APLP2: variants seen among roughly 807,000 people sequenced by gnomAD.
The protein encoded by APLP2 is CDEI box-binding protein.
A neutral mutation model predicts 89.9 loss-of-function variants in APLP2; 53 were observed. The ratio of observed to expected loss-of-function variants is 0.59; its 90% CI spans 0.47 to 0.74. The LOEUF (loss-of-function observed/expected upper bound fraction) is 0.74. Ranked by LOEUF, APLP2 falls within the 30% of genes least tolerant of loss-of-function variation. The probability of loss-of-function intolerance (pLI) is 0.00; values close to 1 mark genes in which losing one functional copy is unlikely to be tolerated. For missense variants in APLP2, 973 were observed against 975.9 expected (o/e 1.00, Z 0.04); for synonymous variants, 372 against 348.6 (o/e 1.07, Z -0.75).
intron 16 of APLP2, among the ~76,000 whole-genome samples, chr11:130,142,869 T>A (rs1269113276): frequency 6.6e-6 from 1 of 152,224 alleles, no homozygotes; most frequent in Non-Finnish European, 1.5e-5. Context: ...CGCCTCAGCC[T>A]CCCAAAGTGC....
chr11:130,114,457 A>C (rs1267193215), intron 3 of APLP2: 1 of 152,190 alleles, frequency 6.6e-6, no homozygotes, highest in East Asian at 1.9e-4. Context: ...GTGCGATACC[A>C]GTTTGTTTCA....
intron 1 of APLP2, among the ~76,000 whole-genome samples, chr11:130,078,418 C>T (rs562521099): frequency 7.3e-6 from 1 of 136,950 alleles, no homozygotes; most frequent in Admixed American, 6.8e-5. Context: ...TTTGCCTTTT[C>T]ACTCTTAGTG....
chr11:130,136,752 C>T (rs1023784989), intron 13 of APLP2, among the ~76,000 whole-genome samples: 1 of 152,166 alleles, frequency 6.6e-6, no homozygotes, highest in African/African-American at 2.4e-5. Context: ...CCATGCCACC[C>T]GCAAATCTCC....
intron 9 of APLP2, among the ~76,000 whole-genome samples, chr11:130,128,636 A>G (rs1350823318): frequency 6.6e-6 from 1 of 152,232 alleles, no homozygotes; most frequent in Non-Finnish European, 1.5e-5. Flanking sequence ...ACCTAATGAC[A>G]GGAATACTTC....
chr11:130,090,013 C>G (rs1271047980), intron 1 of APLP2, among the ~76,000 whole-genome samples: 1 of 152,180 alleles, frequency 6.6e-6, no homozygotes, highest in East Asian at 1.9e-4. Flanking sequence ...CCCTATTCAA[C>G]CTATAAGACC....
intron 13 of APLP2, among the ~76,000 whole-genome samples, chr11:130,139,871 G>C (rs1221146418): frequency 6.6e-6 from 1 of 152,186 alleles, no homozygotes; most frequent in Non-Finnish European, 1.5e-5. Context: ...ATTACTGTTG[G>C]AACCTCCCCA....
chr11:130,140,024 G>A (rs1952152419), intron 13 of APLP2, among the ~76,000 whole-genome samples: 1 of 152,206 alleles, frequency 6.6e-6, no homozygotes, highest in South Asian at 2.1e-4. Flanking sequence ...GCAGCCGGGT[G>A]TGGGTAGTAG....
intron 1 of APLP2, among the ~76,000 whole-genome samples, chr11:130,084,316 G>C (rs1483427323): frequency 6.6e-6 from 1 of 151,994 alleles, no homozygotes; most frequent in African/African-American, 2.4e-5. Flanking sequence ...TTCTGTTAAT[G>C]TGATATGCCA....
rs1950044139 is a variant in APLP2 at position 130,123,442 on chromosome 11, T to C, written c.923-170T>C. Among the ~76,000 whole-genome samples, 1 of 152,240 alleles carries C rather than the reference T, an allele frequency of 6.6e-6. No homozygotes were observed. Among genetic ancestry groups the C allele is most frequent in the Non-Finnish European group, 1.5e-5 (1 of 68,034 alleles). On this transcript the variant is annotated intron_variant, in intron 6 of 16. Coordinates refer to ENST00000338167, the MANE Select transcript of APLP2 (RefSeq NM_001142276.2). This position sits in a 1 kb window ranked among gnomAD's most constrained non-coding sequence, Gnocchi z 4.0. ...TGTCTCTACTCTGTGGGGAAGCAAC[T>C]TGTCCTCAGCAAGGCTGGCCTGAGC...
chr11:130,127,437 G>A (rs1422523663), intron 8 of APLP2, among the ~76,000 whole-genome samples: 2 of 152,202 alleles, frequency 1.3e-5, no homozygotes, highest in Non-Finnish European at 2.9e-5. Context: ...CTTACAGTTT[G>A]CAAAATGCTT....
At position 130,123,598 on chromosome 11, in the gene APLP2, C is replaced by T; in HGVS notation, c.923-14C>T. The stretch of plus-strand genomic sequence containing the variant: ...TGCCTCTGTCCTGCTGACACTCTGA[C>T]CATTTTCACACAGCTGTCTGCTCCC... On this transcript the variant is annotated splice_polypyrimidine_tract_variant and intron_variant, in intron 6 of 16. Coordinates refer to ENST00000338167, the MANE Select transcript of APLP2 (RefSeq NM_001142276.2). The surrounding 1 kb of genome is among the most constrained non-coding windows in gnomAD (Gnocchi z 4.0). 6.2e-7 allele frequency: 1 copy of T among 1,609,678 alleles called. No individual in the cohort carries two copies. The highest frequency in any genetic ancestry group is 8.5e-7 in the Non-Finnish European group (1 of 1,178,014).
chr11:130,128,347 T>C (rs921989358), intron 9 of APLP2, among the ~76,000 whole-genome samples: 2 of 152,194 alleles, frequency 1.3e-5, no homozygotes, highest in South Asian at 4.1e-4. Context: ...CAAAACTGAT[T>C]TTGTAAATTT....
In APLP2 at chr11:130,143,389, A is replaced by T. The variant is rs1382262423; in HGVS notation, c.2197A>T (p.Met733Leu). The change falls in exon 17 of 17, where the codon ATG becomes TTG. Residue 733 changes from methionine (M) to leucine (L), a missense_variant. By Grantham distance (15) the Met-to-Leu change is conservative (BLOSUM62 2). Coordinates refer to ENST00000338167, the MANE Select transcript of APLP2 (RefSeq NM_001142276.2). ...LTPEERHLNK[M>L]QNHGYENPTY... is the part of the protein sequence containing the mutation. ...CCCAGAAGAGCGTCACCTGAACAAG[A>T]TGCAGAACCATGGCTATGAGAACCC... 3 of 1,613,804 alleles carry T rather than the reference A, an allele frequency of 1.9e-6. No homozygotes were observed. The highest frequency in any genetic ancestry group is 2.5e-6 in the Non-Finnish European group (3 of 1,179,938).
intron 1 of APLP2, among the ~76,000 whole-genome samples, chr11:130,107,000 T>TA (rs1408557658): frequency 3.9e-5 from 6 of 152,222 alleles, no homozygotes; most frequent in Non-Finnish European, 4.4e-5. Context: ...ATTCCTTTTT[T>TA]ATGTGCTTTC....
chr11:130,137,139 C>G, intron 13 of APLP2: 1 of 937,080 alleles, frequency 1.1e-6, no homozygotes, highest in Non-Finnish European at 1.7e-6. Context: ...AGGAGGAATA[C>G]TTTTTGTTCA....
intron 11 of APLP2, among the ~76,000 whole-genome samples, chr11:130,132,396 A>G (rs1951027111): frequency 6.6e-6 from 1 of 152,046 alleles, no homozygotes; most frequent in African/African-American, 2.4e-5. Flanking sequence ...TAATGGCTTC[A>G]GGCCCACATA....
chr11:130,102,093 A>G (rs1947010644), intron 1 of APLP2: 1 of 366,802 alleles, frequency 2.7e-6, no homozygotes, highest in Non-Finnish European at 5.3e-6. Context: ...GATACTGAGA[A>G]CAGAATTTTT....
intron 13 of APLP2, chr11:130,138,880 T>C (rs1033039029): frequency 2.6e-5 from 4 of 151,890 alleles, no homozygotes; most frequent in Non-Finnish European, 4.4e-5. Flanking sequence ...ATTATAGGCA[T>C]GAGCCACTGT....
At chr11:130,091,360 CG>C (rs1945123576) in intron 1 of APLP2, among the ~76,000 whole-genome samples, 1 of 145,844 alleles carries the variant, frequency 6.9e-6, no homozygotes, top group African/African-American at 2.6e-5. Context: ...GCTGGCCGGG[CG>C]GGGGGCCGAC....
Sources: gnomAD v4.1 joint callset for allele counts (sites outside exome capture counted in the v4.1 genomes callset) on GRCh38, gnomAD v4.1.1 for gene constraint, Gnocchi (gnomAD v3.1) non-coding constraint, MANE v1.5 for transcripts, NCBI Gene and HGNC (gene_info 2026-07-23, HGNC 2026-07-21) for gene names.